Variants in CYTH1 observed in about 807,000 individuals in gnomAD.
CYTH1 encodes cytohesin 1, also known as cytohesin-1.
CYTH1 carries 18 observed loss-of-function variants against 61.8 expected under a neutral mutation model. That is an observed-to-expected ratio of 0.29 (90% CI 0.20 to 0.43). The LOEUF (loss-of-function observed/expected upper bound fraction) is 0.43. Among genes scored for constraint, CYTH1 ranks in the 20% least tolerant of loss-of-function variants. The pLI is 1.00. For missense variants in CYTH1, 336 were observed against 510.5 expected (o/e 0.66, Z 3.29); for synonymous variants, 174 against 184.3 (o/e 0.94, Z 0.45).
At chr17:78,698,197 GCACA>G in intron 9 of CYTH1, 68 bp downstream of exon 9, 2 of 1,233,500 alleles carry the variant, frequency 1.6e-6, no homozygotes, top group Admixed American at 1.8e-5. Flanking sequence ...ACGCACGCAC[GCACA>G]CACGCACACA....
chr17:78,725,977 T>C (rs2093264255), intron 1 of CYTH1, among the ~76,000 whole-genome samples: 1 of 151,402 alleles, frequency 6.6e-6, no homozygotes, highest in Non-Finnish European at 1.5e-5. Context: ...AGAATAGGAA[T>C]CTCAGGACCA....
chr17:78,778,637 CAAAAAAAA>C (rs71309108), intron 1 of CYTH1, among the ~76,000 whole-genome samples: 5 of 64,218 alleles, frequency 7.8e-5, no homozygotes, highest in Non-Finnish European at 1.4e-4. Flanking sequence ...GACTCCATCT[CAAAAAAAA>C]AAAAAAAAAA....
chr17:78,759,474 G>A (rs148340517), intron 1 of CYTH1, among the ~76,000 whole-genome samples: 105 of 152,190 alleles, frequency 6.9e-4, no homozygotes, highest in Non-Finnish European at 1.0e-3. Context: ...ATAAAGAGAC[G>A]GTATCTCTTA....
intron 1 of CYTH1, among the ~76,000 whole-genome samples, chr17:78,770,809 A>T (rs2144752479): frequency 6.6e-6 from 1 of 152,294 alleles, no homozygotes; most frequent in South Asian, 2.1e-4. Context: ...ACGCTTCTGA[A>T]ATAGAAGCCT....
chr17:78,775,674 G>C (rs1468033083), intron 1 of CYTH1, among the ~76,000 whole-genome samples: 1 of 152,176 alleles, frequency 6.6e-6, no homozygotes, highest in Non-Finnish European at 1.5e-5. Context: ...AGCTGAATAA[G>C]TAAAGGACAT....
chr17:78,726,249 A>C (rs1375045147), intron 1 of CYTH1, among the ~76,000 whole-genome samples: 1 of 151,892 alleles, frequency 6.6e-6, no homozygotes, highest in Admixed American at 6.6e-5. Flanking sequence ...TTTCACCATT[A>C]GCCAGGATGG....
Position 78,760,384 on chromosome 17 carries a change from TACACAC to T in CYTH1, c.22+21812_22+21817del, listed in dbSNP as rs1555615252. 3.7e-3 allele frequency among the ~76,000 whole-genome samples: 191 copies of T among 51,388 alleles called. 22 individuals are homozygous for T. Among genetic ancestry groups the T allele is most frequent in the African/African-American group, 0.014 (180 of 12,592 alleles). 33.7% of individuals were successfully genotyped at this position (51,388 alleles called of 152,430 possible). On this transcript the variant is annotated intron_variant, in intron 1 of 13. Coordinates refer to ENST00000446868, the MANE Select transcript of CYTH1 (RefSeq NM_004762.6). ...ATATATATATATATATATATATATA[TACACAC>T]ACATACATATATATATGTGTATATA...
At chr17:78,726,127 T>C (rs2093265411) in intron 1 of CYTH1, among the ~76,000 whole-genome samples, 1 of 147,578 alleles carries the variant, frequency 6.8e-6, no homozygotes, top group Admixed American at 6.9e-5. Context: ...CACTGCAAGC[T>C]CTGTCTCCCA....
intron 2 of CYTH1, among the ~76,000 whole-genome samples, chr17:78,708,486 T>C (rs2093092651): frequency 1.3e-5 from 2 of 152,202 alleles, no homozygotes; most frequent in Admixed American, 6.5e-5. Context: ...TAGAAAAGAA[T>C]ACAGCCTCTG....
At chr17:78,731,491 G>A (rs567009203) in intron 1 of CYTH1, among the ~76,000 whole-genome samples, 1 of 152,134 alleles carries the variant, frequency 6.6e-6, no homozygotes, top group Non-Finnish European at 1.5e-5. Context: ...CGGGCGCGGT[G>A]GTTCACGCCT....
rs2144263269 is a variant in CYTH1 at position 78,698,393 on chromosome 17, A to G, written c.700-13T>C. ...TCTCATAGAGATTCTGGGATAAAAGATGACAATTTATGTCTCTGATTCTAG... is the reference window on the plus strand; with the variant it reads ...TCTCATAGAGATTCTGGGATAAAAGGTGACAATTTATGTCTCTGATTCTAG... On this transcript the variant is annotated splice_polypyrimidine_tract_variant and intron_variant, in intron 8 of 13. Coordinates refer to ENST00000446868, the MANE Select transcript of CYTH1 (RefSeq NM_004762.6). The G allele has an allele frequency of 6.4e-7, 1 of 1,555,882 alleles. No individual in the cohort carries two copies.
intron 1 of CYTH1, among the ~76,000 whole-genome samples, chr17:78,776,435 T>A (rs1254624860): frequency 2.0e-5 from 3 of 151,840 alleles, no homozygotes; most frequent in African/African-American, 7.2e-5. Flanking sequence ...GGCGGGCAGA[T>A]CATTTGAGGT....
At chr17:78,739,645 G>A (rs1041140915) in intron 1 of CYTH1, among the ~76,000 whole-genome samples, 4 of 152,188 alleles carry the variant, frequency 2.6e-5, no homozygotes, top group African/African-American at 9.7e-5. Context: ...CCAGGGTTCT[G>A]AGCAACAGAG....
At chr17:78,776,271 T>C (rs999346073) in intron 1 of CYTH1, among the ~76,000 whole-genome samples, 3 of 152,174 alleles carry the variant, frequency 2.0e-5, no homozygotes, top group African/African-American at 7.2e-5. Flanking sequence ...ACATACTCTC[T>C]GGAAAATCCC....
intron 2 of CYTH1, among the ~76,000 whole-genome samples, chr17:78,708,541 C>T (rs991915867): frequency 6.6e-6 from 1 of 152,206 alleles, no homozygotes; most frequent in Non-Finnish European, 1.5e-5. Context: ...AGCATATATG[C>T]TGTGTGAAAA....
At chr17:78,682,397 G>C (rs916579921) in intron 11 of CYTH1, among the ~76,000 whole-genome samples, 2 of 152,156 alleles carry the variant, frequency 1.3e-5, no homozygotes, top group African/African-American at 4.8e-5. Context: ...CCTTCCTGGA[G>C]CCTCTGAAAC....
At chr17:78,681,655 G>A (rs1277380590) in intron 11 of CYTH1, among the ~76,000 whole-genome samples, 1 of 152,110 alleles carries the variant, frequency 6.6e-6, no homozygotes, top group Admixed American at 6.5e-5. Context: ...GACACTTCCA[G>A]CACACGCCTG....
chr17:78,690,708 A>G (rs1196275821), intron 11 of CYTH1, among the ~76,000 whole-genome samples: 1 of 152,190 alleles, frequency 6.6e-6, no homozygotes, highest in Non-Finnish European at 1.5e-5. Context: ...CAAAAAAAAA[A>G]AAGTATTTTT....
chr17:78,781,871 C>G (rs1011544449), intron 1 of CYTH1, among the ~76,000 whole-genome samples: 5 of 151,538 alleles, frequency 3.3e-5, no homozygotes, highest in Admixed American at 3.3e-4. Flanking sequence ...GATCCTGCCC[C>G]GCGACCCCAA....
Sources: allele counts gnomAD v4.1 joint callset (sites outside exome capture counted in the v4.1 genomes callset), GRCh38; gene constraint gnomAD v4.1.1; transcripts MANE v1.5; gene names NCBI Gene and HGNC (gene_info 2026-07-23, HGNC 2026-07-21).